The following TBCE variants were observed in gnomAD, a reference collection of about 807,000 sequenced individuals.
The protein encoded by TBCE is tubulin-specific chaperone E.
Under a neutral mutation model 77.0 loss-of-function variants are expected in TBCE, and 53 were observed. That is an observed-to-expected ratio of 0.69 (90% CI 0.55 to 0.87). TBCE has a LOEUF of 0.87. TBCE is among the 40% of genes least tolerant of loss of function. The pLI is 0.00. For synonymous variants in TBCE, 235 were observed against 241.3 expected, an observed-to-expected ratio of 0.97 and a Z score of 0.24; for missense variants, 624 against 622.4, an observed-to-expected ratio of 1.00 and a Z score of -0.03.
chr1:235,429,790 T>C (rs145181982), intron 6 of TBCE: 3,404 of 152,032 alleles, frequency 0.022, 136 homozygotes, highest in African/African-American at 0.077. Flanking sequence ...TGATCTTGGC[T>C]CACTGCAACC....
intron 15 of TBCE, among the ~76,000 whole-genome samples, chr1:235,447,581 C>T (rs1390350730): frequency 6.6e-6 from 1 of 152,022 alleles, no homozygotes; most frequent in East Asian, 1.9e-4. Context: ...TAGTTGGCAC[C>T]CTAATTTTAC....
At chr1:235,406,829 CTTTTTTTT>C (rs141351182) in intron 3 of TBCE, among the ~76,000 whole-genome samples, 3 of 76,168 alleles carry the variant, frequency 3.9e-5, no homozygotes, top group Non-Finnish European at 7.2e-5. Flanking sequence ...TGCTCCTGGG[CTTTTTTTT>C]TTTTTTTTTT....
chr1:235,397,147 G>A (rs1246307923), intron 2 of TBCE, among the ~76,000 whole-genome samples: 2 of 148,300 alleles, frequency 1.3e-5, no homozygotes, highest in South Asian at 2.1e-4. Context: ...GCTAATTTTT[G>A]TATTTTTAGT....
intron 8 of TBCE, 80 bp from the exon 9 acceptor site, chr1:235,435,665 A>C: frequency 7.2e-7 from 1 of 1,382,784 alleles, no homozygotes. Flanking sequence ...CATCGCACCA[A>C]ATGCAGGGAT....
At chr1:235,406,051 C>T (rs938956650) in intron 3 of TBCE, among the ~76,000 whole-genome samples, 7 of 152,218 alleles carry the variant, frequency 4.6e-5, no homozygotes, top group African/African-American at 1.7e-4. Flanking sequence ...TAAACATTTA[C>T]ATAATTGAAG....
At chr1:235,408,509 T>C (rs1679594534) in intron 3 of TBCE, among the ~76,000 whole-genome samples, 1 of 151,682 alleles carries the variant, frequency 6.6e-6, no homozygotes, top group South Asian at 2.1e-4. Context: ...AGGTGGTAGC[T>C]CTGCTTCATT....
intron 13 of TBCE, 97 bp from the exon 14 acceptor site, chr1:235,441,717 C>G: frequency 8.8e-7 from 1 of 1,137,778 alleles, no homozygotes; most frequent in Non-Finnish European, 1.3e-6. Flanking sequence ...GGCACAGGCT[C>G]TCTGGACGCT....
At chr1:235,444,796 G>A (rs1682135223) in intron 15 of TBCE, among the ~76,000 whole-genome samples, 1 of 152,234 alleles carries the variant, frequency 6.6e-6, no homozygotes, top group Non-Finnish European at 1.5e-5. Context: ...TCATGGGAAT[G>A]TTACCACTAT....
intron 2 of TBCE, among the ~76,000 whole-genome samples, chr1:235,381,187 A>G (rs900442588): frequency 1.3e-5 from 2 of 152,172 alleles, no homozygotes; most frequent in South Asian, 2.1e-4. Context: ...ATATTTTTAC[A>G]TTACCCATCC....
intron 1 of TBCE, among the ~76,000 whole-genome samples, chr1:235,368,837 G>A (rs34815217): frequency 0.73 from 110,559 of 151,284 alleles, 41,732 homozygotes; most frequent in African/African-American, 0.93. Flanking sequence ...AAGTGCTGGG[G>A]CTACAGGTGT....
At chr1:235,383,575 G>T (rs1482067452) in intron 2 of TBCE, among the ~76,000 whole-genome samples, 5 of 152,058 alleles carry the variant, frequency 3.3e-5, no homozygotes, top group African/African-American at 1.2e-4. Flanking sequence ...TCTCTTTGAA[G>T]CAATTGTGAA....
rs945456346 is a variant in TBCE at position 235,448,193 on chromosome 1, T to TAA, written c.1400-155_1400-154insAA. On this transcript the variant is annotated intron_variant, in intron 15 of 16. Transcript: ENST00000642610. ...CCAGCCTGGGCGACAGAGCAAGACT[T>TAA]ACTTAAGTAAGTAAGTAAGTCAGTC... Among the ~76,000 whole-genome samples the TAA allele has an allele frequency of 9.4e-5, 13 of 137,748 alleles. No individual in the cohort carries two copies. In the East Asian group the frequency reaches 2.5e-3, roughly 27 times the overall value. The allele number at this position is 137,748 out of a possible 152,430, so 90.4% of individuals were successfully genotyped here.
intron 3 of TBCE, among the ~76,000 whole-genome samples, chr1:235,411,342 A>G (rs926935246): frequency 2.6e-5 from 4 of 152,228 alleles, no homozygotes; most frequent in African/African-American, 4.8e-5. Flanking sequence ...AGGAACACAC[A>G]CCATTCCAGT....
chr1:235,448,220 C>CAAAAA (rs59405398), intron 15 of TBCE, 129 bp from the exon 16 acceptor site: 239 of 530,564 alleles, frequency 4.5e-4, no homozygotes, highest in African/African-American at 1.2e-3. Context: ...AAGTCAGTCT[C>CAAAAA]AAAAAAAAAA....
intron 3 of TBCE, among the ~76,000 whole-genome samples, chr1:235,407,625 T>G (rs1449686305): frequency 6.6e-6 from 1 of 152,158 alleles, no homozygotes; most frequent in East Asian, 1.9e-4. Flanking sequence ...GGAGCAGGTG[T>G]TGTGTGCCCC....
intron 2 of TBCE, among the ~76,000 whole-genome samples, chr1:235,389,964 A>AAC (rs1678278018): frequency 6.6e-6 from 1 of 151,998 alleles, no homozygotes; most frequent in Non-Finnish European, 1.5e-5. Context: ...CTCTACTAAA[A>AAC]ATACAAAAAA....
intron 1 of TBCE, among the ~76,000 whole-genome samples, chr1:235,370,285 G>C (rs577563130): frequency 7.2e-5 from 9 of 125,002 alleles, no homozygotes; most frequent in Non-Finnish European, 4.8e-5. Context: ...ACGGATTCTT[G>C]CTCTGTTGCC....
chr1:235,408,407 T>C (rs1222053746), intron 3 of TBCE, among the ~76,000 whole-genome samples: 1 of 152,062 alleles, frequency 6.6e-6, no homozygotes, highest in Non-Finnish European at 1.5e-5. Context: ...AAATATTCTC[T>C]TGGTGTGGTG....
intron 15 of TBCE, 170 bp downstream of exon 15, chr1:235,443,081 C>T: frequency 2.9e-6 from 2 of 678,842 alleles, no homozygotes; most frequent in Non-Finnish European, 5.0e-6. Flanking sequence ...AATATCACTC[C>T]CCCATGCCCC....
Sources: allele counts gnomAD v4.1 joint callset (sites outside exome capture counted in the v4.1 genomes callset), GRCh38; gene constraint gnomAD v4.1.1; transcripts MANE v1.5; gene names NCBI Gene and HGNC (gene_info 2026-07-23, HGNC 2026-07-21).